Variants in IRAG1 observed in about 807,000 individuals in gnomAD.
The protein encoded by IRAG1 is IP3R-associated cGMP kinase substrate.
A neutral mutation model predicts 106.2 loss-of-function variants in IRAG1; 62 were observed. The observed-to-expected ratio is 0.58, with a 90% confidence interval of 0.48 to 0.72. The LOEUF (loss-of-function observed/expected upper bound fraction) is 0.72. IRAG1 is among the 30% of genes least tolerant of loss of function. The pLI, the probability that IRAG1 is intolerant of heterozygous loss-of-function variation, is 0.00. For synonymous variants in IRAG1, 462 were observed against 443.9 expected, an observed-to-expected ratio of 1.04 and a Z score of -0.51; for missense variants, 1,064 against 1,140.7, an observed-to-expected ratio of 0.93 and a Z score of 0.97.
chr11:10,630,117 C>T (rs115416735), intron 4 of IRAG1: 1,672 of 158,626 alleles, frequency 0.011, 20 homozygotes, highest in African/African-American at 0.038. Flanking sequence ...TCATTGGCCA[C>T]GGCCACAACC....
At position 10,615,635 on chromosome 11, in the gene IRAG1, A is replaced by C. The variant is rs1184124070; in HGVS notation, c.1448-5784T>G. On this transcript the variant is annotated intron_variant, in intron 10 of 20. Transcript: ENST00000423302. ...GGATGAGTTCATGTCCTTTGTAGGGACATGGATGAAGCTGGAAACCATCAT... is the reference window on the plus strand; with the variant it reads ...GGATGAGTTCATGTCCTTTGTAGGGCCATGGATGAAGCTGGAAACCATCAT... 6.6e-5 allele frequency among the ~76,000 whole-genome samples: 10 copies of C among 152,240 alleles called. No homozygotes were observed. The East Asian group carries it at 2.0e-3, about 30-fold the overall frequency.
chr11:10,625,938 T>A (rs762387537), intron 9 of IRAG1, 28 bp downstream of exon 9: 3 of 1,447,074 alleles, frequency 2.1e-6, no homozygotes, highest in Non-Finnish European at 2.7e-6. Context: ...GAGTACACAC[T>A]CTGCCCAACT....
At chr11:10,609,944 T>C in intron 10 of IRAG1, 93 bp from the exon 11 acceptor site, 1 of 1,265,276 alleles carries the variant, frequency 7.9e-7, no homozygotes, top group Non-Finnish European at 1.1e-6. Context: ...TTTATAAGTA[T>C]CTAGTTCTAT....
chr11:10,646,921 C>T (rs574522923), intron 2 of IRAG1, among the ~76,000 whole-genome samples: 1 of 152,256 alleles, frequency 6.6e-6, no homozygotes, highest in South Asian at 2.1e-4. Context: ...AGACAGCCCA[C>T]TCAAGTTAAA....
chr11:10,591,678 G>T, intron 17 of IRAG1, 66 bp from the exon 18 acceptor site: 1 of 1,366,888 alleles, frequency 7.3e-7, no homozygotes, highest in Non-Finnish European at 1.0e-6. Flanking sequence ...AGAGCTGCTG[G>T]ATTTCTGATG....
At chr11:10,637,407 C>T (rs978356570) in intron 2 of IRAG1, among the ~76,000 whole-genome samples, 1 of 152,070 alleles carries the variant, frequency 6.6e-6, no homozygotes, top group African/African-American at 2.4e-5. Context: ...AAGAGACACC[C>T]AGGGAGTTTT....
At chr11:10,634,435 C>T (rs1856978016) in intron 2 of IRAG1, among the ~76,000 whole-genome samples, 1 of 152,144 alleles carries the variant, frequency 6.6e-6, no homozygotes, top group Admixed American at 6.5e-5. Flanking sequence ...TAGCAAATTC[C>T]AAGTATACAA....
At chr11:10,609,147 C>T (rs1471068293) in intron 11 of IRAG1, among the ~76,000 whole-genome samples, 1 of 152,198 alleles carries the variant, frequency 6.6e-6, no homozygotes, top group African/African-American at 2.4e-5. Flanking sequence ...TTGCACATCT[C>T]AAATTATTAC....
chr11:10,645,230 TC>T lies in IRAG1; in HGVS notation c.225+6794del, dbSNP rs368435572. On this transcript the variant is annotated intron_variant, in intron 2 of 20. Transcript: ENST00000423302. ...CCTACCATGTGTATGTGAATAATCA[TC>T]CCTTGCCTCTGTGCTCAAACTCTAT... 1.6e-3 allele frequency among the ~76,000 whole-genome samples: 250 copies of T among 152,326 alleles called. 2 individuals carry two copies. The highest frequency in any genetic ancestry group is 5.4e-3 in the African/African-American group (225 of 41,576).
chr11:10,663,539 G>A (rs990850198), intron 1 of IRAG1, among the ~76,000 whole-genome samples: 2 of 152,138 alleles, frequency 1.3e-5, no homozygotes. Flanking sequence ...GCTCTGGGGT[G>A]TGTCCTCCAA....
intron 1 of IRAG1, among the ~76,000 whole-genome samples, chr11:10,667,463 G>A (rs544352110): frequency 2.1e-4 from 32 of 152,302 alleles, no homozygotes; most frequent in Non-Finnish European, 4.3e-4. Flanking sequence ...ACAGGAGGGA[G>A]GGAGCCGCTA....
At chr11:10,614,769 A>G (rs1340480496) in intron 10 of IRAG1, among the ~76,000 whole-genome samples, 2 of 152,250 alleles carry the variant, frequency 1.3e-5, no homozygotes, top group African/African-American at 4.8e-5. Context: ...TTCCTTCCTT[A>G]CACCTTATAC....
Position 10,593,517 on chromosome 11 carries a change from G to A in IRAG1, c.2150C>T (p.Ser717Leu), listed in dbSNP as rs923898595. Residue 717 changes from serine (S) to leucine (L), a missense_variant, in exon 17 of 21, where the codon TCA (serine) becomes TTA (leucine). Transcript: ENST00000423302. ...CAAGGCTGGTAAGGAGGGAATGGAT[G>A]ATGAGCTGGGAGTTTGGCCAGGCAG... Reference protein sequence around the residue: ...LNLPGQTPSSSSIPSLPALSE... With the variant: ...LNLPGQTPSSLSIPSLPALSE... The A allele has an allele frequency of 1.9e-6, 3 of 1,613,602 alleles. No homozygotes were observed. Among genetic ancestry groups the A allele is most frequent in the Non-Finnish European group, 2.5e-6 (3 of 1,179,694 alleles).
At chr11:10,631,931 C>T in intron 4 of IRAG1, 60 bp downstream of exon 4, 2 of 1,463,172 alleles carry the variant, frequency 1.4e-6, no homozygotes, top group Non-Finnish European at 1.9e-6. Context: ...GAGTCAAGCC[C>T]AGCCACGCTG....
intron 18 of IRAG1, among the ~76,000 whole-genome samples, chr11:10,589,420 A>ATATTTATT (rs199752240): frequency 6.6e-6 from 1 of 151,996 alleles, no homozygotes; most frequent in Non-Finnish European, 1.5e-5. Context: ...TTTCCACTTT[A>ATATTTATT]TATTTATTTA....
chr11:10,588,053 G>C (rs965043644), intron 18 of IRAG1, among the ~76,000 whole-genome samples: 1 of 152,226 alleles, frequency 6.6e-6, no homozygotes, highest in African/African-American at 2.4e-5. Flanking sequence ...GGCATACAGC[G>C]AGGTGCAGCA....
At chr11:10,671,240 G>A (rs77944488) in intron 1 of IRAG1, among the ~76,000 whole-genome samples, 3,126 of 152,252 alleles carry the variant, frequency 0.021, 120 homozygotes, top group African/African-American at 0.071. Flanking sequence ...GCAAAATCCT[G>A]AGGAATCCAC....
chr11:10,584,449 C>A (rs746752675), intron 18 of IRAG1, among the ~76,000 whole-genome samples: 1 of 151,430 alleles, frequency 6.6e-6, no homozygotes, highest in Non-Finnish European at 1.5e-5. Flanking sequence ...TTCCATGTGA[C>A]CTTGGCCTAA....
At chr11:10,641,124 T>C (rs1857477713) in intron 2 of IRAG1, among the ~76,000 whole-genome samples, 1 of 152,140 alleles carries the variant, frequency 6.6e-6, no homozygotes, top group South Asian at 2.1e-4. Context: ...TCCTCTCACC[T>C]GAGTAGCTGG....
Sources: allele counts gnomAD v4.1 joint callset (sites outside exome capture counted in the v4.1 genomes callset), GRCh38; gene constraint gnomAD v4.1.1; transcripts MANE v1.5; gene names NCBI Gene and HGNC (gene_info 2026-07-23, HGNC 2026-07-21).